ADK: variants seen among roughly 807,000 people sequenced by gnomAD.
ADK encodes the protein adenosine kinase.
A neutral mutation model predicts 44.7 loss-of-function variants in ADK; 24 were observed. The ratio of observed to expected loss-of-function variants is 0.54; its 90% CI spans 0.39 to 0.76. ADK has a LOEUF of 0.76. ADK is among the 30% of genes least tolerant of loss of function. ADK has a pLI of 0.00. For missense variants in ADK, 321 were observed against 425.1 expected (o/e 0.76, Z 2.15); for synonymous variants, 128 against 142.6 (o/e 0.90, Z 0.73).
intron 7 of ADK, among the ~76,000 whole-genome samples, chr10:74,571,870 T>G (rs1258752994): frequency 6.6e-6 from 1 of 152,136 alleles, no homozygotes; most frequent in Non-Finnish European, 1.5e-5. Flanking sequence ...CTTTTAATTG[T>G]GATGTTAGTT....
At chr10:74,372,613 TAAAA>T (rs1179973534) in intron 4 of ADK, among the ~76,000 whole-genome samples, 1 of 152,010 alleles carries the variant, frequency 6.6e-6, no homozygotes, top group African/African-American at 2.4e-5. Context: ...TTAAATATCT[TAAAA>T]AGAAATAATG....
intron 2 of ADK, among the ~76,000 whole-genome samples, chr10:74,220,292 T>C (rs1280589292): frequency 2.0e-5 from 3 of 152,076 alleles, no homozygotes; most frequent in South Asian, 2.1e-4. Flanking sequence ...AATTCCTTGA[T>C]ACATACACCC....
intron 3 of ADK, among the ~76,000 whole-genome samples, chr10:74,265,306 C>T (rs924740413): frequency 6.6e-6 from 1 of 151,676 alleles, no homozygotes; most frequent in Non-Finnish European, 1.5e-5. Context: ...ACCTCTGCTT[C>T]CTGGGTTCAA....
intron 2 of ADK, among the ~76,000 whole-genome samples, chr10:74,219,672 T>C (rs1036730157): frequency 2.0e-5 from 3 of 151,708 alleles, no homozygotes; most frequent in Admixed American, 6.6e-5. Flanking sequence ...AAACTGTCTC[T>C]CAGACCACAG....
At chr10:74,403,160 AG>A (rs771588669) in intron 6 of ADK, among the ~76,000 whole-genome samples, 2 of 152,222 alleles carry the variant, frequency 1.3e-5, no homozygotes, top group East Asian at 3.9e-4. Context: ...CCCTACTGGG[AG>A]GTATCTCCCA....
At chr10:74,391,185 G>T (rs551656181) in intron 4 of ADK, among the ~76,000 whole-genome samples, 30 of 152,148 alleles carry the variant, frequency 2.0e-4, no homozygotes, top group African/African-American at 7.2e-4. Context: ...AGAGCATACT[G>T]AAAAATTATT....
intron 4 of ADK, among the ~76,000 whole-genome samples, chr10:74,393,185 A>T (rs1411602000): frequency 1.3e-5 from 2 of 152,030 alleles, no homozygotes; most frequent in Non-Finnish European, 2.9e-5. Context: ...TATTCCAAAT[A>T]TTTGAGAACA....
chr10:74,493,561 A>G (rs1044394820), intron 6 of ADK, among the ~76,000 whole-genome samples: 1 of 150,968 alleles, frequency 6.6e-6, no homozygotes, highest in African/African-American at 2.4e-5. Context: ...TCTCATCTGT[A>G]TATATATAGA....
At chr10:74,571,364 T>G (rs867035884) in intron 7 of ADK, among the ~76,000 whole-genome samples, 40 of 152,344 alleles carry the variant, frequency 2.6e-4, no homozygotes, top group African/African-American at 9.6e-4. Context: ...GAAGGAATGG[T>G]ACCAGCTCCT....
chr10:74,627,335 T>C (rs1853245696), intron 9 of ADK, among the ~76,000 whole-genome samples: 2 of 151,952 alleles, frequency 1.3e-5, no homozygotes, highest in African/African-American at 4.8e-5. Context: ...AGTAAAAAAT[T>C]ATCCCAGCAC....
intron 6 of ADK, among the ~76,000 whole-genome samples, chr10:74,513,088 G>T (rs990067035): frequency 3.3e-5 from 5 of 151,936 alleles, no homozygotes; most frequent in African/African-American, 1.2e-4. Flanking sequence ...TCTTGTTATA[G>T]ATATCTAAGT....
chr10:74,239,595 A>G (rs1050722925), intron 3 of ADK, among the ~76,000 whole-genome samples: 3 of 151,808 alleles, frequency 2.0e-5, no homozygotes, highest in African/African-American at 7.3e-5. Flanking sequence ...TACCTCTGGT[A>G]CTAGCTATCA....
chr10:74,169,237 A>T (rs1206139977), intron 1 of ADK, among the ~76,000 whole-genome samples: 1 of 152,124 alleles, frequency 6.6e-6, no homozygotes, highest in Admixed American at 6.5e-5. Flanking sequence ...GAAAAAGAAA[A>T]TATATTTCAT....
At chr10:74,693,329 G>T (rs1056742680) in intron 10 of ADK, among the ~76,000 whole-genome samples, 1 of 152,094 alleles carries the variant, frequency 6.6e-6, no homozygotes, top group African/African-American at 2.4e-5. Flanking sequence ...AAAATATAAA[G>T]TCTAATTTTT....
intron 9 of ADK, among the ~76,000 whole-genome samples, chr10:74,634,905 A>T (rs905458617): frequency 6.6e-6 from 1 of 152,146 alleles, no homozygotes; most frequent in African/African-American, 2.4e-5. Context: ...AGATAATGCC[A>T]CTGCACTCCA....
chr10:74,600,389 T>A lies in ADK; in HGVS notation c.773T>A (p.Ile258Asn), dbSNP rs1427036753. 1.3e-5 allele frequency: 21 copies of A among 1,608,316 alleles called. No individual in the cohort carries two copies. The highest frequency in any genetic ancestry group is 1.8e-5 in the Non-Finnish European group (21 of 1,176,680). The change falls in exon 9 of 11, where the codon ATT (isoleucine) becomes AAT (asparagine). Residue 258 changes from isoleucine (I) to asparagine (N), a missense_variant. By Grantham distance (149) the Ile-to-Asn change is moderately radical. Coordinates refer to ENST00000539909, the MANE Select transcript of ADK (RefSeq NM_006721.4). Reference sequence around the variant, plus strand: ...TCCTTCTATTAATAGACTAAAGACATTAAAGAGATAGCCAAAAAGACACAA... The same window carrying A: ...TCCTTCTATTAATAGACTAAAGACAATAAAGAGATAGCCAAAAAGACACAA... ...AREQGFETKD[I>N]KEIAKKTQAL...
rs1244828664 is a variant in ADK at position 74,708,850 on chromosome 10, C to T, written c.*405C>T. 4.8e-6 allele frequency: 1 copy of T among 209,264 alleles called. No individual in the cohort carries two copies. Among genetic ancestry groups the T allele is most frequent in the African/African-American group, 2.4e-5 (1 of 41,966 alleles). 13.0% of individuals were successfully genotyped at this position (209,264 alleles called of 1,614,324 possible). On this transcript the variant is annotated 3_prime_UTR_variant, in exon 11 of 11. Coordinates refer to ENST00000539909, the MANE Select transcript of ADK (RefSeq NM_006721.4). ...TTAATCTTAACATAGTAATCTTTAG[C>T]TTTTTATACAAATATATTTAATTTA... is the stretch of plus-strand genomic sequence containing the variant.
At chr10:74,445,992 C>T (rs185859762) in intron 6 of ADK, among the ~76,000 whole-genome samples, 9 of 152,038 alleles carry the variant, frequency 5.9e-5, no homozygotes, top group Admixed American at 2.6e-4. Flanking sequence ...ATTGAAGCTA[C>T]AGCTTAAACA....
chr10:74,266,626 T>G (rs1846226444), intron 3 of ADK, among the ~76,000 whole-genome samples: 1 of 152,126 alleles, frequency 6.6e-6, no homozygotes, highest in African/African-American at 2.4e-5. Flanking sequence ...TCTTATTGAG[T>G]ATAACCCATA....
Sources: allele counts gnomAD v4.1 joint callset (sites outside exome capture counted in the v4.1 genomes callset), GRCh38; gene constraint gnomAD v4.1.1; transcripts MANE v1.5; gene names NCBI Gene and HGNC (gene_info 2026-07-23, HGNC 2026-07-21).